Variants in FCHO1 observed in about 807,000 individuals in gnomAD.
FCHO1 encodes FCH and mu domain containing endocytic adaptor 1, also known as F-BAR domain only protein 1.
Under a neutral mutation model 114.4 loss-of-function variants are expected in FCHO1, and 45 were observed. That is an observed-to-expected ratio of 0.39 (90% CI 0.31 to 0.50). The LOEUF (loss-of-function observed/expected upper bound fraction) is 0.50. Among genes scored for constraint, FCHO1 ranks in the 20% least tolerant of loss-of-function variants. The pLI, the probability that FCHO1 is intolerant of heterozygous loss-of-function variation, is 0.77. For synonymous variants in FCHO1, 480 were observed against 488.9 expected (o/e 0.98, Z 0.24); for missense variants, 1,042 against 1,209.6 (o/e 0.86, Z 2.06).
rs761605670 is a variant in FCHO1 at position 17,766,653 on chromosome 19, C to G, written c.195-16C>G. On this transcript the variant is annotated splice_polypyrimidine_tract_variant and intron_variant, in intron 6 of 28. Coordinates refer to ENST00000596536, the MANE Select transcript of FCHO1 (RefSeq NM_015122.3). ...TGAGCCTGATGAACCCTGGGTGTGA[C>G]CTTGCCCGCCCCCAGGACCTTCGCC... The G allele has an allele frequency of 2.5e-6, 4 of 1,613,832 alleles. No homozygotes were observed. The highest frequency in any genetic ancestry group is 3.4e-6 in the Non-Finnish European group (4 of 1,179,938).
chr19:17,786,361 AACAC>A (rs4007691), intron 26 of FCHO1, among the ~76,000 whole-genome samples: 2,226 of 149,052 alleles, frequency 0.015, 62 homozygotes, highest in African/African-American at 0.053. Flanking sequence ...ACACAAAACA[AACAC>A]ACACACACAC....
In FCHO1 at chr19:17,784,211, C is replaced by T; in HGVS notation, c.2202C>T (p.Tyr734=). 1.2e-6 allele frequency: 2 copies of T among 1,612,066 alleles called. No homozygotes were observed. The highest frequency in any genetic ancestry group is 1.7e-6 in the Non-Finnish European group (2 of 1,179,144). Residue 734 remains tyrosine (Y), a synonymous_variant, in exon 25 of 29, where the codon TAC becomes TAT. Transcript: ENST00000596536. This position sits in a 1 kb window ranked among gnomAD's most constrained non-coding sequence, Gnocchi z 5.3. ...AGCAGAACCCCACTGCCTCCTACTA[C>T]AACGTGGTGCTGCTGCGATACCAGG... ...QAEQNPTASY[Y]NVVLLRYQFS...
chr19:17,750,057 C>T (rs1048074902), upstream of FCHO1, among the ~76,000 whole-genome samples: 15 of 152,290 alleles, frequency 9.8e-5, no homozygotes, highest in African/African-American at 3.4e-4. Context: ...CGGGTCTTGC[C>T]TTTGTTGCTG....
chr19:17,754,056 G>A (rs939303290), intron 1 of FCHO1, among the ~76,000 whole-genome samples: 6 of 152,154 alleles, frequency 3.9e-5, no homozygotes, highest in African/African-American at 1.4e-4. Context: ...GGGAGGCCCC[G>A]GGAGCTTCCC....
At chr19:17,749,468 G>A (rs1396936322), upstream of FCHO1, among the ~76,000 whole-genome samples, 2 of 152,146 alleles carry the variant, frequency 1.3e-5, no homozygotes, top group Non-Finnish European at 1.5e-5. Flanking sequence ...AGGAGGGAGG[G>A]GAAGGGGGAG....
At chr19:17,763,396 T>C (rs1262767540) in intron 5 of FCHO1, among the ~76,000 whole-genome samples, 1 of 151,560 alleles carries the variant, frequency 6.6e-6, no homozygotes, top group Non-Finnish European at 1.5e-5. Flanking sequence ...CCCAAGTAGC[T>C]GAGACTACAG....
upstream of FCHO1, among the ~76,000 whole-genome samples, chr19:17,749,881 A>G (rs2081484734): frequency 6.6e-6 from 1 of 152,150 alleles, no homozygotes; most frequent in South Asian, 2.1e-4. Flanking sequence ...TACTGGCCCT[A>G]CTGTACATAC....
intron 8 of FCHO1, 86 bp downstream of exon 8, chr19:17,770,663 G>C: frequency 6.3e-7 from 1 of 1,574,936 alleles, no homozygotes. Flanking sequence ...ATCCCAGAGC[G>C]ACGGTCCTGG....
At position 17,772,466 on chromosome 19, in the gene FCHO1, G is replaced by C. The variant is rs2091851615; in HGVS notation, c.604G>C (p.Ala202Pro). The part of the protein sequence containing the change: ...KMLDSALRFQ[A>P]MEETHLRHMK... ...TGCCCTCCTGCTTCAGCGCTTCCAA[G>C]CCATGGAGGAGACACACCTGAGGCA... Residue 202 changes from alanine to proline, a missense_variant, in exon 10 of 29, where the codon GCC becomes CCC. Transcript: ENST00000596536. 6.2e-7 allele frequency: 1 copy of C among 1,613,872 alleles called. No individual in the cohort carries two copies. The highest frequency in any genetic ancestry group is 1.3e-5 in the African/African-American group (1 of 74,890).
chr19:17,770,667 G>A (rs2091242428), intron 8 of FCHO1, 90 bp downstream of exon 8: 1 of 1,580,588 alleles, frequency 6.3e-7, no homozygotes, highest in Non-Finnish European at 8.6e-7. Flanking sequence ...CAGAGCGACG[G>A]TCCTGGAACC....
chr19:17,752,256 G>GTATGTATT (rs2082153222), intron 1 of FCHO1: 1 of 126,276 alleles, frequency 7.9e-6, no homozygotes, highest in African/African-American at 2.8e-5. Flanking sequence ...ATGTATGTAT[G>GTATGTATT]TATTTAATTA....
intron 1 of FCHO1, among the ~76,000 whole-genome samples, chr19:17,753,231 G>A (rs1452299776): frequency 1.3e-5 from 2 of 152,218 alleles, no homozygotes; most frequent in African/African-American, 4.8e-5. Flanking sequence ...CCCTAGGGAT[G>A]TCAGTGTAGC....
chr19:17,774,128 T>A (rs1160601850), intron 11 of FCHO1, 111 bp from the exon 12 acceptor site: 19 of 964,558 alleles, frequency 2.0e-5, no homozygotes, highest in Non-Finnish European at 2.8e-5. Flanking sequence ...AGGCTGGTCT[T>A]GAACTCCTGA....
chr19:17,757,183 A>T (rs1216860132), intron 4 of FCHO1, among the ~76,000 whole-genome samples: 2 of 114,682 alleles, frequency 1.7e-5, no homozygotes, highest in African/African-American at 9.0e-5. Flanking sequence ...GACTCCGTCT[A>T]AAAAAAAAAA....
At chr19:17,785,480 C>T (rs2093793969) in intron 26 of FCHO1, among the ~76,000 whole-genome samples, 1 of 152,088 alleles carries the variant, frequency 6.6e-6, no homozygotes, top group Non-Finnish European at 1.5e-5. Flanking sequence ...GCCTCGGCCT[C>T]CCAAAGGACT....
chr19:17,778,444 T>A, intron 19 of FCHO1, 165 bp from the exon 20 acceptor site: 1 of 857,754 alleles, frequency 1.2e-6, no homozygotes, highest in Non-Finnish European at 1.8e-6. Context: ...GCCGGACATT[T>A]GTGGAGAGGG....
chr19:17,772,340 C>A, intron 9 of FCHO1, 117 bp from the exon 10 acceptor site: 1 of 764,550 alleles, frequency 1.3e-6, no homozygotes, highest in Non-Finnish European at 2.3e-6. Flanking sequence ...TTGGCCCTTC[C>A]CCAAATCAAT....
Position 17,788,327 on chromosome 19 carries a change from C to G in FCHO1, c.*21C>G, listed in dbSNP as rs199872257. The G allele has an allele frequency of 3.2e-6, 5 of 1,576,148 alleles. No homozygotes were observed. Among genetic ancestry groups the G allele is most frequent in the East Asian group, 2.4e-5 (1 of 41,920 alleles). On this transcript the variant is annotated 3_prime_UTR_variant, in exon 29 of 29. Transcript: ENST00000596536. ...GCTGAACCCGCAAATGCTGCTGCCC[C>G]AGCTCTACACTGCGCCCTGGTGCTG...
intron 4 of FCHO1, among the ~76,000 whole-genome samples, chr19:17,756,613 C>T (rs978003695): frequency 6.6e-6 from 1 of 152,122 alleles, no homozygotes; most frequent in African/African-American, 2.4e-5. Flanking sequence ...CCTCTGTTTC[C>T]CCATCTGGGA....
Sources: allele counts gnomAD v4.1 joint callset (sites outside exome capture counted in the v4.1 genomes callset), GRCh38; gene constraint gnomAD v4.1.1; non-coding constraint Gnocchi (gnomAD v3.1); transcripts MANE v1.5; gene names NCBI Gene and HGNC (gene_info 2026-07-23, HGNC 2026-07-21).